CNTN6: variants seen among roughly 807,000 people sequenced by gnomAD.
CNTN6 encodes contactin-6.
Under a neutral mutation model 122.8 loss-of-function variants are expected in CNTN6, and 137 were observed. That is an observed-to-expected ratio of 1.12 (90% CI 0.97 to 1.29). The LOEUF is 1.29. CNTN6 is among the 50% of genes most tolerant of loss of function. CNTN6 has a pLI of 0.00. For missense variants in CNTN6, 1,634 were observed against 1,223.4 expected (o/e 1.34, Z -5.01); for synonymous variants, 570 against 426.0 (o/e 1.34, Z -4.16).
chr3:1,328,033 C>A (rs1304424181), intron 10 of CNTN6, among the ~76,000 whole-genome samples: 2 of 151,830 alleles, frequency 1.3e-5, no homozygotes, highest in African/African-American at 4.8e-5. Context: ...TTCCCTTCAG[C>A]ATCAAAGCCT....
chr3:1,219,126 T>A (rs1169042556), intron 2 of CNTN6, among the ~76,000 whole-genome samples: 5 of 152,180 alleles, frequency 3.3e-5, no homozygotes, highest in Non-Finnish European at 1.5e-5. Context: ...AAAGTTTAAA[T>A]GTCCAGTGAG....
At chr3:1,367,503 T>G (rs2126124614) in intron 12 of CNTN6, among the ~76,000 whole-genome samples, 1 of 152,034 alleles carries the variant, frequency 6.6e-6, no homozygotes, top group African/African-American at 2.4e-5. Flanking sequence ...TTCTTAATCA[T>G]TTTACCTCTC....
At chr3:1,222,659 T>C (rs2094223671) in intron 3 of CNTN6, among the ~76,000 whole-genome samples, 1 of 152,130 alleles carries the variant, frequency 6.6e-6, no homozygotes, top group Non-Finnish European at 1.5e-5. Context: ...GACAAGTAAT[T>C]TATGTGCTTA....
At chr3:1,184,493 A>G (rs2125352934) in intron 2 of CNTN6, among the ~76,000 whole-genome samples, 1 of 152,280 alleles carries the variant, frequency 6.6e-6, no homozygotes, top group South Asian at 2.1e-4. Flanking sequence ...ATTAGTATGT[A>G]TCATAAAAAT....
chr3:1,138,518 T>C (rs1033914261), intron 1 of CNTN6, among the ~76,000 whole-genome samples: 15 of 152,152 alleles, frequency 9.9e-5, no homozygotes, highest in African/African-American at 3.6e-4. Flanking sequence ...TACTGATCTG[T>C]TTTGTTTTTT....
intron 7 of CNTN6, among the ~76,000 whole-genome samples, chr3:1,312,906 G>T (rs144984296): frequency 6.6e-4 from 99 of 151,034 alleles, no homozygotes; most frequent in African/African-American, 2.4e-3. Context: ...GTGAACAACT[G>T]TAATCGTATG....
chr3:1,132,072 G>A (rs1019476234), intron 1 of CNTN6, among the ~76,000 whole-genome samples: 4 of 152,100 alleles, frequency 2.6e-5, no homozygotes, highest in African/African-American at 9.7e-5. Flanking sequence ...TATGCATTTA[G>A]TTTATTTATA....
At chr3:1,386,962 A>G (rs539980545) in intron 20 of CNTN6, among the ~76,000 whole-genome samples, 4 of 151,644 alleles carry the variant, frequency 2.6e-5, no homozygotes, top group Admixed American at 6.6e-5. Flanking sequence ...ATCTCAGAGA[A>G]TAGGCCCTTG....
chr3:1,322,096 A>C (rs949028362), intron 8 of CNTN6, among the ~76,000 whole-genome samples: 3 of 151,748 alleles, frequency 2.0e-5, no homozygotes, highest in African/African-American at 7.3e-5. Flanking sequence ...TAAAGCCATA[A>C]AAGTTTATAA....
intron 8 of CNTN6, 47 bp downstream of exon 8, chr3:1,321,881 C>T (rs781217006): frequency 6.9e-6 from 10 of 1,444,722 alleles, no homozygotes; most frequent in Non-Finnish European, 9.4e-6. Context: ...TGGTAATGCC[C>T]TTCATAATAA....
intron 20 of CNTN6, among the ~76,000 whole-genome samples, chr3:1,395,317 A>G (rs1694849747): frequency 6.6e-6 from 1 of 152,194 alleles, no homozygotes; most frequent in African/African-American, 2.4e-5. Flanking sequence ...TTTGGAGGTC[A>G]GGAGTTAGAC....
In CNTN6 at chr3:1,146,205, C is replaced by A. The variant is rs141645928; in HGVS notation, c.-82-1722C>A. The stretch of plus-strand genomic sequence containing the variant: ...CATTCTCAATTATGATCTGAAAGTA[C>A]AGCATTCATATGCATTAACATGACC... On this transcript the variant is annotated intron_variant, in intron 1 of 22. Coordinates refer to ENST00000446702, the MANE Select transcript of CNTN6 (RefSeq NM_001289080.2). Among the ~76,000 whole-genome samples the A allele has an allele frequency of 1.7e-4, 26 of 152,236 alleles. No individual in the cohort carries two copies. In the East Asian group the frequency reaches 3.9e-3, roughly 23 times the overall value.
At chr3:1,316,128 A>G (rs1019773183) in intron 7 of CNTN6, among the ~76,000 whole-genome samples, 3 of 151,982 alleles carry the variant, frequency 2.0e-5, no homozygotes, top group African/African-American at 2.4e-5. Flanking sequence ...ATGTGACATG[A>G]ATTATCTTAA....
At chr3:1,285,271 T>C (rs1694138915) in intron 5 of CNTN6, among the ~76,000 whole-genome samples, 1 of 152,166 alleles carries the variant, frequency 6.6e-6, no homozygotes, top group Admixed American at 6.6e-5. Flanking sequence ...AAAAGATAAC[T>C]CCAAGGATTT....
intron 7 of CNTN6, among the ~76,000 whole-genome samples, chr3:1,302,259 A>G (rs1203239564): frequency 1.3e-5 from 2 of 151,986 alleles, no homozygotes; most frequent in Non-Finnish European, 2.9e-5. Flanking sequence ...TTTTTCCCCA[A>G]ATGTGGGGAC....
chr3:1,269,608 T>C lies in CNTN6; in HGVS notation c.359-8805T>C, dbSNP rs1320140275. Among the ~76,000 whole-genome samples the C allele has an allele frequency of 2.0e-5, 3 of 152,210 alleles. No homozygotes were observed. The East Asian group carries it at 5.8e-4, about 29-fold the overall frequency. On this transcript the variant is annotated intron_variant, in intron 4 of 22. Coordinates refer to ENST00000446702, the MANE Select transcript of CNTN6 (RefSeq NM_001289080.2). ...TTCTTACCACCATTTGTCAGGCAAA[T>C]GTGTCTATTATAGAAAATCAAATCC...
intron 12 of CNTN6, among the ~76,000 whole-genome samples, chr3:1,356,429 CAG>C (rs567080680): frequency 3.4e-4 from 51 of 151,764 alleles, no homozygotes; most frequent in Non-Finnish European, 5.9e-4. Flanking sequence ...ACCAGCATTA[CAG>C]AGTGGCCTAT....
intron 1 of CNTN6, among the ~76,000 whole-genome samples, chr3:1,102,979 G>T (rs111437753): frequency 6.6e-6 from 1 of 150,846 alleles, no homozygotes; most frequent in African/African-American, 2.5e-5. Context: ...TGGTGGCGGC[G>T]CCTGTGGTCC....
chr3:1,354,751 C>T (rs1307110029), intron 12 of CNTN6, among the ~76,000 whole-genome samples: 10 of 151,568 alleles, frequency 6.6e-5, no homozygotes, highest in East Asian at 3.9e-4. Context: ...GGCTTCCTTG[C>T]TCTAAAATCG....
Sources: gnomAD v4.1 joint callset for allele counts (sites outside exome capture counted in the v4.1 genomes callset) on GRCh38, gnomAD v4.1.1 for gene constraint, MANE v1.5 for transcripts, NCBI Gene and HGNC (gene_info 2026-07-23, HGNC 2026-07-21) for gene names.